The following GPM6A variants were observed in gnomAD, a reference collection of about 807,000 sequenced individuals.
The protein encoded by GPM6A is neuronal membrane glycoprotein M6-a.
Under a neutral mutation model 32.1 loss-of-function variants are expected in GPM6A, and 7 were observed. The observed-to-expected ratio is 0.22, with a 90% CI of 0.12 to 0.41. The LOEUF (loss-of-function observed/expected upper bound fraction) is 0.41, where lower values mean the gene tolerates loss of function less well. GPM6A is among the 10% of genes least tolerant of loss of function. GPM6A has a pLI of 1.00. For missense variants in GPM6A, 235 were observed against 347.2 expected, an observed-to-expected ratio of 0.68 and a Z score of 2.57; for synonymous variants, 130 against 123.4, an observed-to-expected ratio of 1.05 and a Z score of -0.35.
At chr4:175,846,412 C>T (rs978651992) in intron 1 of GPM6A, among the ~76,000 whole-genome samples, 19 of 151,916 alleles carry the variant, frequency 1.3e-4, no homozygotes, top group African/African-American at 4.4e-4. Context: ...TTGATTCTTC[C>T]CTGAAGGAGT....
At chr4:175,797,642 A>T (rs1465810183) in intron 1 of GPM6A, among the ~76,000 whole-genome samples, 1 of 152,172 alleles carries the variant, frequency 6.6e-6, no homozygotes, top group Non-Finnish European at 1.5e-5. Context: ...CCCAGCCTCA[A>T]GTGATCTGCC....
At chr4:175,756,616 T>C (rs1336425450) in intron 1 of GPM6A, among the ~76,000 whole-genome samples, 4 of 152,052 alleles carry the variant, frequency 2.6e-5, no homozygotes, top group Non-Finnish European at 5.9e-5. Flanking sequence ...ATTTGAGCTG[T>C]CACTGGGACG....
intron 1 of GPM6A, among the ~76,000 whole-genome samples, chr4:175,859,319 A>T (rs918243010): frequency 2.0e-5 from 3 of 152,198 alleles, no homozygotes; most frequent in Non-Finnish European, 4.4e-5. Flanking sequence ...ATTTAAGTTA[A>T]ACCTGCAAAA....
chr4:175,734,731 G>C (rs1481984082), intron 1 of GPM6A, among the ~76,000 whole-genome samples: 1 of 152,068 alleles, frequency 6.6e-6, no homozygotes, highest in African/African-American at 2.4e-5. Flanking sequence ...AAGTTAGCTG[G>C]GTGTGGTGGC....
At chr4:175,698,458 T>C (rs561695587) in intron 2 of GPM6A, among the ~76,000 whole-genome samples, 24 of 152,178 alleles carry the variant, frequency 1.6e-4, no homozygotes, top group Non-Finnish European at 3.1e-4. Context: ...TGTTTGCTTA[T>C]TTTACATCTT....
At chr4:175,831,746 G>GTTTT (rs1735620930) in intron 1 of GPM6A, among the ~76,000 whole-genome samples, 6 of 127,878 alleles carry the variant, frequency 4.7e-5, no homozygotes, top group African/African-American at 1.2e-4. Flanking sequence ...TTTGACGGAG[G>GTTTT]TTCACTTTTG....
At chr4:175,978,865 G>A (rs1232101593) in intron 1 of GPM6A, among the ~76,000 whole-genome samples, 1 of 151,920 alleles carries the variant, frequency 6.6e-6, no homozygotes, top group Non-Finnish European at 1.5e-5. Context: ...GCTGCTAATC[G>A]TGGAGCTGCA....
At chr4:175,881,737 C>CA (rs1737283510) in intron 1 of GPM6A, among the ~76,000 whole-genome samples, 2 of 151,902 alleles carry the variant, frequency 1.3e-5, no homozygotes, top group Admixed American at 1.3e-4. Context: ...AGCAAGCTAT[C>CA]ACAAGGACAA....
chr4:175,636,260 G>GTATATATATATA lies in GPM6A; in HGVS notation c.685-1215_685-1204dup, dbSNP rs34516159. ...TTTACATAGTGAAAGCATAATCACT[G>GTATATATATATA]TATATATATATATATATATATATAT... On this transcript the variant is annotated intron_variant, in intron 6 of 6. Transcript: ENST00000393658. Among the ~76,000 whole-genome samples the GTATATATATATA allele has an allele frequency of 4.9e-4, 50 of 101,310 alleles. 2 individuals are homozygous for GTATATATATATA. The highest frequency in any genetic ancestry group is 8.0e-4 in the Non-Finnish European group (40 of 49,742). 66.5% of individuals were successfully genotyped at this position (101,310 alleles called of 152,430 possible).
At chr4:175,800,471 C>CTA (rs1734429997) in intron 1 of GPM6A, among the ~76,000 whole-genome samples, 1 of 152,138 alleles carries the variant, frequency 6.6e-6, no homozygotes, top group Non-Finnish European at 1.5e-5. Context: ...TTAATCTGTC[C>CTA]TATAGTAAGA....
At chr4:175,834,851 C>A (rs1735716154) in intron 1 of GPM6A, among the ~76,000 whole-genome samples, 2 of 152,138 alleles carry the variant, frequency 1.3e-5, no homozygotes, top group Admixed American at 1.3e-4. Flanking sequence ...AACAAAGAAG[C>A]ATAAAGATTG....
At chr4:175,788,440 AAGTAGAAAT>A (rs1441505019) in intron 1 of GPM6A, among the ~76,000 whole-genome samples, 1 of 152,182 alleles carries the variant, frequency 6.6e-6, no homozygotes, top group Non-Finnish European at 1.5e-5. Context: ...ATAGAAATAA[AAGTAGAAAT>A]ATACAGACTA....
chr4:175,799,666 G>GTTTTTTTTTTTTT (rs1553990612), intron 1 of GPM6A, among the ~76,000 whole-genome samples: 1 of 114,918 alleles, frequency 8.7e-6, no homozygotes. Flanking sequence ...AGTAGCAAGT[G>GTTTTTTTTTTTTT]TTTTCTTTTT....
chr4:175,784,647 C>T (rs995997357), intron 1 of GPM6A, among the ~76,000 whole-genome samples: 2 of 151,998 alleles, frequency 1.3e-5, no homozygotes, highest in Non-Finnish European at 2.9e-5. Context: ...ATAATGAACT[C>T]GTCAAAAACA....
chr4:175,981,489 T>C (rs1183136020), intron 1 of GPM6A, among the ~76,000 whole-genome samples: 7 of 152,160 alleles, frequency 4.6e-5, no homozygotes, highest in African/African-American at 1.4e-4. Context: ...CATAAATTGA[T>C]TGATTGCCTT....
chr4:175,785,990 GA>G (rs201815247), intron 1 of GPM6A, among the ~76,000 whole-genome samples: 1,513 of 151,258 alleles, frequency 0.01, 17 homozygotes, highest in Non-Finnish European at 0.017. Context: ...CTTCGATAGA[GA>G]AAAAAGAAAA....
intron 1 of GPM6A, among the ~76,000 whole-genome samples, chr4:175,825,654 G>A (rs1735410741): frequency 6.6e-6 from 1 of 152,102 alleles, no homozygotes; most frequent in South Asian, 2.1e-4. Flanking sequence ...ATCACCCATA[G>A]CCAAAATAAT....
At chr4:175,811,507 A>G (rs1346642149) in intron 1 of GPM6A, among the ~76,000 whole-genome samples, 2 of 152,178 alleles carry the variant, frequency 1.3e-5, no homozygotes, top group Non-Finnish European at 1.5e-5. Context: ...TGGAAATTTC[A>G]CTTTAACTCA....
At chr4:175,886,250 A>G (rs1484306006) in intron 1 of GPM6A, among the ~76,000 whole-genome samples, 1 of 152,200 alleles carries the variant, frequency 6.6e-6, no homozygotes, top group Non-Finnish European at 1.5e-5. Context: ...AAACGACCTT[A>G]AAAGCAACTA....
Sources: allele counts gnomAD v4.1 joint callset (sites outside exome capture counted in the v4.1 genomes callset), GRCh38; gene constraint gnomAD v4.1.1; transcripts MANE v1.5; gene names NCBI Gene and HGNC (gene_info 2026-07-23, HGNC 2026-07-21).